MBD2: variants seen among roughly 807,000 people sequenced by gnomAD.
MBD2 encodes the protein methyl-CpG binding domain protein 2, also known as methyl-CpG-binding domain protein 2.
In MBD2, 9 loss-of-function variants were observed where a neutral mutation model predicts 39.3. That is an observed-to-expected ratio of 0.23 (90% CI 0.14 to 0.40). The LOEUF (loss-of-function observed/expected upper bound fraction) is 0.40, where lower values mean the gene tolerates loss of function less well. MBD2 is among the 10% of genes least tolerant of loss of function. The pLI, the probability that MBD2 is intolerant of heterozygous loss-of-function variation, is 1.00. For missense variants in MBD2, 458 were observed against 532.6 expected (o/e 0.86, Z 1.38); for synonymous variants, 233 against 211.1 (o/e 1.10, Z -0.90).
Position 54,224,648 on chromosome 18 carries a change from G to C in MBD2, c.-89C>G, listed in dbSNP as rs1331958792. 8 of 979,760 alleles carry C rather than the reference G, an allele frequency of 8.2e-6. No homozygotes were observed. The highest frequency in any genetic ancestry group is 8.6e-5 in the Admixed American group (2 of 23,356). The allele number at this position is 979,760 out of a possible 1,614,324, so 60.7% of individuals were successfully genotyped here. ...CCGCCCCGCCCGCAGCGCGGCGCGC[G>C]GGGGACGCGCGCAAGCATCATAGAG... On this transcript the variant is annotated 5_prime_UTR_variant, in exon 1 of 7. Transcript: ENST00000256429.
chr18:54,188,027 C>G (rs2086295900), intron 3 of MBD2, among the ~76,000 whole-genome samples: 1 of 151,936 alleles, frequency 6.6e-6, no homozygotes, highest in Non-Finnish European at 1.5e-5. Context: ...AATACGAGAG[C>G]AAAAGATAAC....
At chr18:54,191,766 C>T (rs1264674172) in intron 2 of MBD2, among the ~76,000 whole-genome samples, 1 of 152,232 alleles carries the variant, frequency 6.6e-6, no homozygotes, top group African/African-American at 2.4e-5. Context: ...CCACACAACA[C>T]AGCCCTCCTG....
intron 1 of MBD2, among the ~76,000 whole-genome samples, chr18:54,205,457 G>C (rs1395206312): frequency 6.6e-6 from 1 of 151,956 alleles, no homozygotes; most frequent in Non-Finnish European, 1.5e-5. Context: ...CGGGCATGGT[G>C]GTGGGCGCCT....
intron 2 of MBD2, chr18:54,202,763 A>G (rs1406740543): frequency 2.0e-6 from 3 of 1,468,662 alleles, no homozygotes; most frequent in Non-Finnish European, 2.7e-6. Context: ...AAATCAAATA[A>G]ACATAAAGCA....
chr18:54,207,266 G>C (rs766988487), intron 1 of MBD2, among the ~76,000 whole-genome samples: 1 of 152,234 alleles, frequency 6.6e-6, no homozygotes, highest in African/African-American at 2.4e-5. Flanking sequence ...CAGATGGAAG[G>C]AGGAGCACAG....
chr18:54,212,790 G>A (rs1187778312), intron 1 of MBD2, among the ~76,000 whole-genome samples: 1 of 152,036 alleles, frequency 6.6e-6, no homozygotes, highest in Non-Finnish European at 1.5e-5. Flanking sequence ...AGTACTTTGG[G>A]AAGCCGAGGC....
At chr18:54,185,244 A>G (rs1014560654) in intron 3 of MBD2, among the ~76,000 whole-genome samples, 1 of 152,168 alleles carries the variant, frequency 6.6e-6, no homozygotes, top group Non-Finnish European at 1.5e-5. Flanking sequence ...ATATCCTTGA[A>G]AGGGGAATTG....
intron 2 of MBD2, among the ~76,000 whole-genome samples, chr18:54,199,060 G>C (rs1295579688): frequency 6.6e-6 from 1 of 151,814 alleles, no homozygotes; most frequent in Non-Finnish European, 1.5e-5. Context: ...TTGGGACTAA[G>C]AGACAGGAGA....
chr18:54,213,305 A>AC (rs1430235997), intron 1 of MBD2, among the ~76,000 whole-genome samples: 1 of 152,030 alleles, frequency 6.6e-6, no homozygotes, highest in African/African-American at 2.4e-5. Flanking sequence ...AGGAGCATGA[A>AC]CCCTACTGTG....
intron 6 of MBD2, among the ~76,000 whole-genome samples, chr18:54,158,181 C>A (rs2086067776): frequency 6.6e-6 from 1 of 152,034 alleles, no homozygotes; most frequent in Non-Finnish European, 1.5e-5. Context: ...AGGTTCACCA[C>A]CCACACATTC....
intron 3 of MBD2, among the ~76,000 whole-genome samples, chr18:54,174,041 A>G (rs964273684): frequency 1.3e-5 from 2 of 152,198 alleles, no homozygotes; most frequent in African/African-American, 4.8e-5. Context: ...TGCTGCAATG[A>G]ATCAAAAAAG....
chr18:54,202,771 G>C (rs1192372780), intron 2 of MBD2: 8 of 1,486,164 alleles, frequency 5.4e-6, no homozygotes, highest in Non-Finnish European at 7.1e-6. Context: ...TAAACATAAA[G>C]CAATATTAAG....
chr18:54,189,650 G>T (rs1179008712), intron 2 of MBD2, among the ~76,000 whole-genome samples: 1 of 151,958 alleles, frequency 6.6e-6, no homozygotes, highest in African/African-American at 2.4e-5. Context: ...AGAACTTGGG[G>T]TTTTGCTTGT....
intron 6 of MBD2, among the ~76,000 whole-genome samples, chr18:54,155,666 C>T (rs1390012898): frequency 6.6e-6 from 1 of 152,094 alleles, no homozygotes; most frequent in African/African-American, 2.4e-5. Flanking sequence ...CAGACCAATC[C>T]AAATATATTT....
At chr18:54,163,604 T>C (rs1040285073) in intron 5 of MBD2, among the ~76,000 whole-genome samples, 3 of 152,098 alleles carry the variant, frequency 2.0e-5, no homozygotes, top group African/African-American at 7.2e-5. Flanking sequence ...GAGCTGGATG[T>C]TTTCCTTTTA....
chr18:54,189,615 G>GT (rs2086306871), intron 2 of MBD2, among the ~76,000 whole-genome samples: 1 of 152,096 alleles, frequency 6.6e-6, no homozygotes, highest in Non-Finnish European at 1.5e-5. Flanking sequence ...GAACAAATAT[G>GT]TTTAAGATTG....
intron 2 of MBD2, among the ~76,000 whole-genome samples, chr18:54,192,722 T>G (rs1027795893): frequency 6.6e-6 from 1 of 152,190 alleles, no homozygotes; most frequent in Non-Finnish European, 1.5e-5. Context: ...CTATGAATCC[T>G]GAATCCATGA....
chr18:54,167,252 A>C (rs1214026934), intron 3 of MBD2, among the ~76,000 whole-genome samples: 1 of 152,152 alleles, frequency 6.6e-6, no homozygotes, highest in African/African-American at 2.4e-5. Flanking sequence ...GGACACACAA[A>C]CCCATACTGA....
chr18:54,199,188 T>A (rs1045502331), intron 2 of MBD2, among the ~76,000 whole-genome samples: 1 of 152,242 alleles, frequency 6.6e-6, no homozygotes, highest in South Asian at 2.1e-4. Flanking sequence ...TAGTCTCTCA[T>A]TTCCCAGAAA....
Sources: gnomAD v4.1 joint callset for allele counts (sites outside exome capture counted in the v4.1 genomes callset) on GRCh38, gnomAD v4.1.1 for gene constraint, MANE v1.5 for transcripts, NCBI Gene and HGNC (gene_info 2026-07-23, HGNC 2026-07-21) for gene names.